The following RYR1 variants were observed in gnomAD, a reference collection of about 807,000 sequenced individuals.
The protein encoded by RYR1 is ryanodine receptor 1.
Under a neutral mutation model 583.5 loss-of-function variants are expected in RYR1, and 342 were observed. That is an observed-to-expected ratio of 0.59 (90% CI 0.54 to 0.64). The LOEUF (loss-of-function observed/expected upper bound fraction) is 0.64, where lower values mean the gene tolerates loss of function less well. RYR1 is among the 30% of genes least tolerant of loss of function. The pLI is 0.00. For synonymous variants in RYR1, 2,791 were observed against 2,822.5 expected, an observed-to-expected ratio of 0.99 and a Z score of 0.35; for missense variants, 6,032 against 6,917.2, an observed-to-expected ratio of 0.87 and a Z score of 4.54.
chr19:38,511,682 G>A (rs1159572488), intron 61 of RYR1, 72 bp downstream of exon 61: 14 of 1,535,694 alleles, frequency 9.1e-6, no homozygotes, highest in Admixed American at 8.4e-5. Flanking sequence ...TAGCTCCCAG[G>A]TTCTGCCTTA....
intron 47 of RYR1, 123 bp from the exon 48 acceptor site, chr19:38,502,384 G>A (rs1600830557): frequency 1.1e-6 from 1 of 879,262 alleles, no homozygotes; most frequent in East Asian, 2.6e-5. Context: ...GTAGAGATTG[G>A]GAGGAGCAGG....
intron 11 of RYR1, among the ~76,000 whole-genome samples, chr19:38,451,096 A>G (rs915901700): frequency 6.6e-6 from 1 of 152,254 alleles, no homozygotes; most frequent in South Asian, 2.1e-4. Context: ...AGTGCCTAGA[A>G]CAGAGCCACT....
chr19:38,494,520 C>T lies in RYR1; in HGVS notation c.6443C>T (p.Ser2148Phe). Residue 2148 changes from serine (S) to phenylalanine (F), a missense_variant, in exon 39 of 106, where the codon TCC becomes TTC. Physicochemically the swap from Ser to Phe is radical, Grantham distance 155. Transcript: ENST00000359596. ...CGGGCGTACACCATCTCACCGTCCT[C>T]CGTGGAAGACACCATGAGCCTGCTC... ...LPRAYTISPS[S>F]VEDTMSLLEC... 1 of 1,613,936 alleles carries T rather than the reference C, an allele frequency of 6.2e-7. No homozygotes were observed. The highest frequency in any genetic ancestry group is 8.5e-7 in the Non-Finnish European group (1 of 1,180,036).
intron 58 of RYR1, among the ~76,000 whole-genome samples, chr19:38,509,184 G>A (rs945041553): frequency 2.0e-5 from 3 of 152,038 alleles, no homozygotes; most frequent in Non-Finnish European, 4.4e-5. Flanking sequence ...ACATCCCCCT[G>A]ACAATTCCCT....
Position 38,490,059 on chromosome 19 carries a change from C to T in RYR1, c.5815-17C>T, listed in dbSNP as rs768231298. Reference sequence around the variant, plus strand: ...TCTCACCTCCATCTCTCCTCCCACACGGCTGTCCTTCCACAGATGTGCCAC... The same window carrying T: ...TCTCACCTCCATCTCTCCTCCCACATGGCTGTCCTTCCACAGATGTGCCAC... On this transcript the variant is annotated splice_polypyrimidine_tract_variant and intron_variant, in intron 35 of 105. Transcript: ENST00000359596. 30 of 1,612,968 alleles carry T rather than the reference C, an allele frequency of 1.9e-5. No homozygotes were observed. The highest frequency in any genetic ancestry group is 9.3e-5 in the African/African-American group (7 of 74,924).
At chr19:38,454,797 AAAG>A (rs1056757963) in intron 13 of RYR1, among the ~76,000 whole-genome samples, 3 of 151,104 alleles carry the variant, frequency 2.0e-5, no homozygotes, top group African/African-American at 7.3e-5. Flanking sequence ...GTAAAAAAAA[AAAG>A]AAAAGAAAAG....
Position 38,496,879 on chromosome 19 carries a change from C to T in RYR1, c.6816C>T (p.Pro2272=). 1.2e-6 allele frequency: 2 copies of T among 1,613,522 alleles called. No homozygotes were observed. The highest frequency in any genetic ancestry group is 1.7e-6 in the Non-Finnish European group (2 of 1,179,986). Residue 2272 remains proline (P), a synonymous_variant, in exon 42 of 106, where the codon CCC becomes CCT. Coordinates refer to ENST00000359596, the MANE Select transcript of RYR1 (RefSeq NM_000540.3). This position sits in a 1 kb window ranked among gnomAD's most constrained non-coding sequence, Gnocchi z 4.8. The stretch of plus-strand genomic sequence containing the variant: ...CTGCAGGCATGCAGGGCTCCACGCC[C>T]CTGGACGTGGCTGCTGCCTCCGTCA... ...GIGLGMQGST[P]LDVAAASVID...
At position 38,567,917 on chromosome 19, in the gene RYR1, G is replaced by A; in HGVS notation, c.13659G>A (p.Leu4553=). 1 of 1,613,128 alleles carries A rather than the reference G, an allele frequency of 6.2e-7. No homozygotes were observed. Among genetic ancestry groups the A allele is most frequent in the Non-Finnish European group, 8.5e-7 (1 of 1,179,914 alleles). Residue 4553 remains leucine, a splice_region_variant and synonymous_variant, in exon 93 of 106, where the codon CTG becomes CTA. Transcript: ENST00000359596. ...TGGAGGTGCAGAGGGTGAAGTTCCT[G>A]GTAAGGATCCAGCCAGGTCACCTGA... The part of the protein sequence containing the change: ...GELEVQRVKF[L]NYLSRNFYTL...
Position 38,579,962 on chromosome 19 carries a change from C to T in RYR1, c.14365-20C>T, listed in dbSNP as rs1974124358. The T allele has an allele frequency of 6.2e-7, 1 of 1,614,112 alleles. No homozygotes were observed. Among genetic ancestry groups the T allele is most frequent in the Non-Finnish European group, 8.5e-7 (1 of 1,179,992 alleles). On this transcript the variant is annotated intron_variant, in intron 99 of 105. Coordinates refer to ENST00000359596, the MANE Select transcript of RYR1 (RefSeq NM_000540.3). ...TGTGTCCCTGCCTTCCCCCTGACCC[C>T]TGGCCCTGTGTGCCCACAGTCCTTC...
rs745447236 is a variant in RYR1, at chr19:38,473,562, C to T, written c.3951C>T (p.Pro1317=). 126 of 1,600,168 alleles carry T rather than the reference C, an allele frequency of 7.9e-5. No individual in the cohort carries two copies. The highest frequency in any genetic ancestry group is 1.4e-4 in the East Asian group (6 of 44,186). ...TPLAPPGLQP[P]AEDEARAAEP... ...TGGCACCTCCTGGCCTGCAGCCCCC[C>T]GCCGAGGACGAGGCCCGGGCGGCGG... Residue 1317 remains proline, a synonymous_variant, in exon 28 of 106, where the codon CCC becomes CCT. Coordinates refer to ENST00000359596, the MANE Select transcript of RYR1 (RefSeq NM_000540.3).
At chr19:38,507,061 G>A in intron 57 of RYR1, 109 bp downstream of exon 57, 1 of 1,545,322 alleles carries the variant, frequency 6.5e-7, no homozygotes, top group Non-Finnish European at 8.8e-7. Context: ...GGGGCCTGAG[G>A]AGCAAAGATG....
At chr19:38,463,384 A>C in intron 20 of RYR1, 39 bp from the exon 21 acceptor site, 1 of 1,568,660 alleles carries the variant, frequency 6.4e-7, no homozygotes, top group Non-Finnish European at 8.8e-7. Flanking sequence ...AGGAGGGTAG[A>C]GGGACCTTGG....
intron 9 of RYR1, among the ~76,000 whole-genome samples, chr19:38,448,140 A>G (rs1164678442): frequency 2.0e-5 from 3 of 151,472 alleles, no homozygotes; most frequent in Admixed American, 6.6e-5. Context: ...GACCAAGACT[A>G]TAGTGTCCAG....
Position 38,490,743 on chromosome 19 carries a change from G to T in RYR1, c.6127+11G>T, listed in dbSNP as rs775128774. On this transcript the variant is annotated intron_variant, in intron 37 of 105. Coordinates refer to ENST00000359596, the MANE Select transcript of RYR1 (RefSeq NM_000540.3). Reference sequence around the variant, plus strand: ...TGCTGGCACACTGTGGTAAGGAGTGGGGATCAGAGAGTCCTCCCCATGCTA... The same window carrying T: ...TGCTGGCACACTGTGGTAAGGAGTGTGGATCAGAGAGTCCTCCCCATGCTA... 7 of 1,568,028 alleles carry T rather than the reference G, an allele frequency of 4.5e-6. No homozygotes were observed. The highest frequency in any genetic ancestry group is 6.2e-6 in the Non-Finnish European group (7 of 1,137,764).
chr19:38,557,047 A>G (rs1003116185), intron 89 of RYR1, among the ~76,000 whole-genome samples: 1 of 81,236 alleles, frequency 1.2e-5, no homozygotes, highest in African/African-American at 4.7e-5. Context: ...CGATAGTCTC[A>G]TTTCTTTTTT....
chr19:38,522,999 C>G lies in RYR1; in HGVS notation c.10260-29C>G, dbSNP rs1374841279. ...CCCCCTTCCCTGGGATCCCCACCCCCTCCCTCACCTCCCCTCCGCTGACCC... is the reference window on the plus strand; with the variant it reads ...CCCCCTTCCCTGGGATCCCCACCCCGTCCCTCACCTCCCCTCCGCTGACCC... On this transcript the variant is annotated intron_variant, in intron 67 of 105. Coordinates refer to ENST00000359596, the MANE Select transcript of RYR1 (RefSeq NM_000540.3). 5 of 1,547,590 alleles carry G rather than the reference C, an allele frequency of 3.2e-6. No homozygotes were observed. The Admixed American group carries it at 5.8e-5, about 18-fold the overall frequency.
At chr19:38,509,796 C>T (rs1970647037) in intron 58 of RYR1, among the ~76,000 whole-genome samples, 1 of 150,870 alleles carries the variant, frequency 6.6e-6, no homozygotes, top group South Asian at 2.1e-4. Context: ...TGACTGTCAC[C>T]ATTATTATTG....
intron 31 of RYR1, among the ~76,000 whole-genome samples, chr19:38,482,332 A>G (rs1028224314): frequency 6.6e-6 from 1 of 152,002 alleles, no homozygotes; most frequent in East Asian, 1.9e-4. Context: ...GGGTGCAATT[A>G]GATCAGGTTT....
Position 38,458,040 on chromosome 19 carries a change from C to G in RYR1, c.1926-11C>G, listed in dbSNP as rs1336269702. The stretch of plus-strand genomic sequence containing the variant: ...CCGTCATCCCCCTCTCCTGTCCCAT[C>G]TCTCCTGCAGCATCCGCCCCAACAT... On this transcript the variant is annotated splice_polypyrimidine_tract_variant and intron_variant, in intron 17 of 105. Transcript: ENST00000359596. 2.5e-6 allele frequency: 4 copies of G among 1,613,094 alleles called. No individual in the cohort carries two copies. The South Asian group carries it at 3.3e-5, about 13-fold the overall frequency.
Sources: allele counts gnomAD v4.1 joint callset (sites outside exome capture counted in the v4.1 genomes callset), GRCh38; gene constraint gnomAD v4.1.1; non-coding constraint Gnocchi (gnomAD v3.1); transcripts MANE v1.5; gene names NCBI Gene and HGNC (gene_info 2026-07-23, HGNC 2026-07-21).